The following CPD variants were observed in gnomAD, a reference collection of about 807,000 sequenced individuals.
The protein encoded by CPD is carboxypeptidase D, also known as metallocarboxypeptidase D.
In CPD, 69 loss-of-function variants were observed where a neutral mutation model predicts 138.3. The ratio of observed to expected loss-of-function variants is 0.50; its 90% CI spans 0.41 to 0.61. The LOEUF is 0.61. CPD is among the 20% of genes least tolerant of loss of function. The pLI is 0.00. For synonymous variants in CPD, 651 were observed against 642.1 expected (o/e 1.01, Z -0.21); for missense variants, 1,432 against 1,733.3 (o/e 0.83, Z 3.09).
Position 30,461,867 on chromosome 17 carries a change from A to G in CPD, c.3631-10A>G. ...GACAACATAAATTTATATTTTAAACATTTTTTCAGGTTCACAAGGGAGTTC... is the reference window on the plus strand; with the variant it reads ...GACAACATAAATTTATATTTTAAACGTTTTTTCAGGTTCACAAGGGAGTTC... On this transcript the variant is annotated splice_polypyrimidine_tract_variant and intron_variant, in intron 18 of 20. Coordinates refer to ENST00000225719, the MANE Select transcript of CPD (RefSeq NM_001304.5). The G allele has an allele frequency of 6.3e-7, 1 of 1,579,240 alleles. No homozygotes were observed. The highest frequency in any genetic ancestry group is 8.6e-7 in the Non-Finnish European group (1 of 1,163,414).
At chr17:30,406,978 C>T (rs969212353) in intron 2 of CPD, among the ~76,000 whole-genome samples, 1 of 152,102 alleles carries the variant, frequency 6.6e-6, no homozygotes, top group African/African-American at 2.4e-5. Flanking sequence ...CCCCACCCGC[C>T]TACAGGTCCT....
intron 12 of CPD, among the ~76,000 whole-genome samples, chr17:30,447,730 G>A (rs761650839): frequency 2.0e-5 from 3 of 152,024 alleles, no homozygotes; most frequent in Non-Finnish European, 4.4e-5. Flanking sequence ...ATGTGTGATC[G>A]TGGGTCCCAG....
At chr17:30,392,590 A>C (rs1026530533) in intron 2 of CPD, among the ~76,000 whole-genome samples, 1 of 152,214 alleles carries the variant, frequency 6.6e-6, no homozygotes, top group Non-Finnish European at 1.5e-5. Context: ...TTCTTTAAAA[A>C]ATATGTCTGA....
In CPD at chr17:30,455,400, T is replaced by C; in HGVS notation, c.3267T>C (p.Phe1089=). ...IIENLIQKQD[F]SLSVALDGGS... Reference sequence around the variant, plus strand: ...AAAATTTGATTCAAAAACAGGACTTTAGTCTTTCTGTTGCCTTAGATGGTG... The same window carrying C: ...AAAATTTGATTCAAAAACAGGACTTCAGTCTTTCTGTTGCCTTAGATGGTG... The change falls in exon 15 of 21, where the codon TTT becomes TTC. Residue 1089 remains phenylalanine (F), a synonymous_variant. Transcript: ENST00000225719. 6.2e-7 allele frequency: 1 copy of C among 1,613,934 alleles called. No individual in the cohort carries two copies.
chr17:30,431,594 A>G (rs1307976553), intron 7 of CPD, among the ~76,000 whole-genome samples, 178 bp from the exon 8 acceptor site: 1 of 152,220 alleles, frequency 6.6e-6, no homozygotes, highest in Non-Finnish European at 1.5e-5. Context: ...TTTGAAAGAT[A>G]TCTTCTCACT....
At chr17:30,392,874 G>A (rs1911397048) in intron 2 of CPD, among the ~76,000 whole-genome samples, 1 of 152,180 alleles carries the variant, frequency 6.6e-6, no homozygotes, top group Non-Finnish European at 1.5e-5. Flanking sequence ...TGAGTGTTGA[G>A]TTAGGAAATT....
chr17:30,455,140 T>C (rs971036338), intron 14 of CPD, 199 bp from the exon 15 acceptor site: 2 of 528,200 alleles, frequency 3.8e-6, no homozygotes, highest in Non-Finnish European at 6.7e-6. Flanking sequence ...CATCCTGAAG[T>C]ACATAATAAA....
At chr17:30,431,693 G>T in intron 7 of CPD, 79 bp from the exon 8 acceptor site, 1 of 898,674 alleles carries the variant, frequency 1.1e-6, no homozygotes, top group Non-Finnish European at 1.8e-6. Flanking sequence ...CTCTTCTCTG[G>T]CAGTATTCTG....
At chr17:30,417,858 T>TGA (rs1454765347) in intron 2 of CPD, among the ~76,000 whole-genome samples, 2 of 152,130 alleles carry the variant, frequency 1.3e-5, no homozygotes, top group Non-Finnish European at 2.9e-5. Flanking sequence ...ACGGAAAACT[T>TGA]TATCCTCAGC....
chr17:30,409,648 GT>G (rs1174501156), intron 2 of CPD, among the ~76,000 whole-genome samples: 6 of 152,182 alleles, frequency 3.9e-5, no homozygotes, highest in African/African-American at 1.4e-4. Context: ...GTGTAGAGCG[GT>G]TTATAGTATT....
chr17:30,447,016 G>A (rs1913050336), intron 12 of CPD, among the ~76,000 whole-genome samples: 1 of 152,122 alleles, frequency 6.6e-6, no homozygotes, highest in African/African-American at 2.4e-5. Flanking sequence ...ACTTTTTGAT[G>A]GGGTTGTTTG....
intron 2 of CPD, among the ~76,000 whole-genome samples, chr17:30,412,599 C>T (rs369275265): frequency 1.3e-5 from 2 of 152,202 alleles, no homozygotes; most frequent in African/African-American, 2.4e-5. Context: ...ACGCCCCTCC[C>T]GCCATGAGGC....
At chr17:30,407,437 G>A (rs1911831550) in intron 2 of CPD, among the ~76,000 whole-genome samples, 1 of 152,180 alleles carries the variant, frequency 6.6e-6, no homozygotes, top group African/African-American at 2.4e-5. Flanking sequence ...CACCAACAGT[G>A]TAAAAGCTTT....
At chr17:30,435,203 A>T (rs1281998136) in intron 8 of CPD, among the ~76,000 whole-genome samples, 1 of 152,186 alleles carries the variant, frequency 6.6e-6, no homozygotes, top group Non-Finnish European at 1.5e-5. Flanking sequence ...TATCTCTGAA[A>T]TGAAGAATAA....
At chr17:30,406,650 G>T (rs1911806076) in intron 2 of CPD, among the ~76,000 whole-genome samples, 2 of 152,044 alleles carry the variant, frequency 1.3e-5, no homozygotes, top group Admixed American at 1.3e-4. Context: ...AGAATGCTAG[G>T]ACTCAAGCCT....
intron 1 of CPD, 50 bp from the exon 2 acceptor site, chr17:30,384,939 G>A (rs372795116): frequency 6.3e-7 from 1 of 1,576,896 alleles, no homozygotes; most frequent in Non-Finnish European, 8.6e-7. Flanking sequence ...TTAATGCATG[G>A]TGTTTTGTGT....
rs1913018326 is a variant in CPD at position 30,445,953 on chromosome 17, T to C, written c.2806T>C (p.Tyr936His). The change falls in exon 12 of 21, where the codon TAC becomes CAC. Residue 936 changes from tyrosine (Y) to histidine (H), a missense_variant. Coordinates refer to ENST00000225719, the MANE Select transcript of CPD (RefSeq NM_001304.5). ...LALALYRYHS[Y>H]KDLSEFLRGL... ...TCTGGCTCTTTATCGATACCATTCC[T>C]ACAAAGACTTATCAGAGTTTCTGAG... The C allele has an allele frequency of 1.2e-6, 2 of 1,614,014 alleles. No homozygotes were observed. Among genetic ancestry groups the C allele is most frequent in the Non-Finnish European group, 1.7e-6 (2 of 1,179,956 alleles).
Position 30,379,399 on chromosome 17 carries a change from G to C in CPD, c.419G>C (p.Gly140Ala). The change falls in exon 1 of 21, where the codon GGC (glycine) becomes GCC (alanine). Residue 140 changes from glycine (G) to alanine (A), a missense_variant. Transcript: ENST00000225719. The surrounding 1 kb of genome is among the most constrained non-coding windows in gnomAD (Gnocchi z 7.0). ...GTGAAGCTGGTGGGCAACATGCATG[G>C]CGACGAGACCGTGTCGCGCCAGGTG... Reference protein sequence around the residue: ...PQVKLVGNMHGDETVSRQVLI... With the variant: ...PQVKLVGNMHADETVSRQVLI... The C allele has an allele frequency of 6.5e-7, 1 of 1,545,228 alleles. No homozygotes were observed. The highest frequency in any genetic ancestry group is 8.7e-7 in the Non-Finnish European group (1 of 1,155,200).
At chr17:30,460,264 G>A (rs1913433990) in intron 17 of CPD, among the ~76,000 whole-genome samples, 1 of 152,162 alleles carries the variant, frequency 6.6e-6, no homozygotes. Flanking sequence ...GTTTAAGAAT[G>A]GAAAGAGTGC....
Sources: allele counts gnomAD v4.1 joint callset (sites outside exome capture counted in the v4.1 genomes callset), GRCh38; gene constraint gnomAD v4.1.1; non-coding constraint Gnocchi (gnomAD v3.1); transcripts MANE v1.5; gene names NCBI Gene and HGNC (gene_info 2026-07-23, HGNC 2026-07-21).